Variants in ERGIC1 observed in about 807,000 individuals in gnomAD.
ERGIC1 encodes the protein endoplasmic reticulum-Golgi intermediate compartment protein 1.
Under a neutral mutation model 38.3 loss-of-function variants are expected in ERGIC1, and 19 were observed. The ratio of observed to expected loss-of-function variants is 0.50; its 90% CI spans 0.35 to 0.73. The LOEUF (loss-of-function observed/expected upper bound fraction) is 0.73. Ranked by LOEUF, ERGIC1 falls within the 30% of genes least tolerant of loss-of-function variation. The pLI is 0.01. For missense variants in ERGIC1, 294 were observed against 389.2 expected, an observed-to-expected ratio of 0.76 and a Z score of 2.06; for synonymous variants, 124 against 157.6, an observed-to-expected ratio of 0.79 and a Z score of 1.60.
At chr5:172,905,631 G>T (rs1299811389) in intron 3 of ERGIC1, among the ~76,000 whole-genome samples, 1 of 152,192 alleles carries the variant, frequency 6.6e-6, no homozygotes, top group African/African-American at 2.4e-5. Flanking sequence ...TGGGAGCCTC[G>T]CTGAATAAGC....
chr5:172,915,337 C>G (rs575070712), intron 5 of ERGIC1: 132 of 474,720 alleles, frequency 2.8e-4, no homozygotes, highest in South Asian at 2.4e-3. Context: ...TCTGGGGCAG[C>G]GTTCCTGGGC....
chr5:172,888,139 A>G (rs1281020699), intron 1 of ERGIC1, among the ~76,000 whole-genome samples: 1 of 152,184 alleles, frequency 6.6e-6, no homozygotes, highest in Non-Finnish European at 1.5e-5. Flanking sequence ...CTGCTCTCGC[A>G]GAAGTTACAC....
At chr5:172,949,649 G>C (rs1328160333) in intron 9 of ERGIC1, among the ~76,000 whole-genome samples, 1 of 109,370 alleles carries the variant, frequency 9.1e-6, no homozygotes, top group Non-Finnish European at 2.0e-5. Flanking sequence ...GGTTGTCACA[G>C]CGTGGCGGGG....
chr5:172,874,153 A>G (rs1762087011), intron 1 of ERGIC1, among the ~76,000 whole-genome samples: 1 of 151,786 alleles, frequency 6.6e-6, no homozygotes, highest in Admixed American at 6.6e-5. Context: ...ATCTTGGCTC[A>G]CTGCAACCTC....
At chr5:172,893,905 A>ATATATATATG (rs1173039695) in intron 2 of ERGIC1, among the ~76,000 whole-genome samples, 6 of 15,534 alleles carry the variant, frequency 3.9e-4, no homozygotes, top group Non-Finnish European at 4.2e-4. Flanking sequence ...ATATATATAT[A>ATATATATATG]TGTGTGTGTG....
intron 1 of ERGIC1, among the ~76,000 whole-genome samples, chr5:172,839,566 A>AACACACACACACATAC (rs1393263228): frequency 8.6e-5 from 13 of 151,936 alleles, no homozygotes; most frequent in African/African-American, 2.7e-4. Flanking sequence ...CCTATCTCAA[A>AACACACACACACATAC]ACACACACAC....
chr5:172,933,422 C>T (rs1342650838), intron 8 of ERGIC1: 1 of 152,098 alleles, frequency 6.6e-6, no homozygotes, highest in Non-Finnish European at 1.5e-5. Context: ...TTATTGAGCC[C>T]ATTTTGTTGA....
chr5:172,908,750 A>G (rs1763121825), intron 3 of ERGIC1, among the ~76,000 whole-genome samples: 1 of 152,178 alleles, frequency 6.6e-6, no homozygotes. Flanking sequence ...GCATAAGACA[A>G]TAAATGTGTG....
chr5:172,841,185 G>A (rs1761150108), intron 1 of ERGIC1, among the ~76,000 whole-genome samples: 1 of 152,136 alleles, frequency 6.6e-6, no homozygotes. Flanking sequence ...TGTATATGTG[G>A]GAAAAGTACA....
chr5:172,898,719 G>C (rs1415513269), intron 3 of ERGIC1: 2 of 152,170 alleles, frequency 1.3e-5, no homozygotes, highest in Non-Finnish European at 2.9e-5. Context: ...GAGTAGACCA[G>C]AGTCAGAGCT....
At chr5:172,835,525 G>A (rs926022471) in intron 1 of ERGIC1, among the ~76,000 whole-genome samples, 1 of 152,192 alleles carries the variant, frequency 6.6e-6, no homozygotes, top group Non-Finnish European at 1.5e-5. Context: ...GGCATTAGTG[G>A]ATGGGGGGTG....
intron 8 of ERGIC1, chr5:172,933,888 T>C (rs1047889771): frequency 2.0e-5 from 3 of 151,668 alleles, no homozygotes; most frequent in African/African-American, 7.3e-5. Flanking sequence ...CATGAGGCAA[T>C]GTTTTCAAAA....
intron 9 of ERGIC1, among the ~76,000 whole-genome samples, chr5:172,947,290 T>TCCTCAG (rs1764144772): frequency 6.6e-6 from 1 of 151,886 alleles, no homozygotes; most frequent in Non-Finnish European, 1.5e-5. Flanking sequence ...GCTCAAATGA[T>TCCTCAG]CCTCAGCCTC....
At chr5:172,887,484 A>G (rs1221408433) in intron 1 of ERGIC1, among the ~76,000 whole-genome samples, 2 of 152,150 alleles carry the variant, frequency 1.3e-5, no homozygotes, top group Non-Finnish European at 2.9e-5. Flanking sequence ...TAATGGTCCC[A>G]TTTTTACAAA....
chr5:172,911,120 C>T (rs1415719154), intron 4 of ERGIC1, among the ~76,000 whole-genome samples: 2 of 152,102 alleles, frequency 1.3e-5, no homozygotes, highest in Non-Finnish European at 2.9e-5. Context: ...TCTCTCCCCA[C>T]CCCCTCTTCC....
intron 5 of ERGIC1, chr5:172,915,722 G>C: frequency 2.2e-6 from 1 of 447,374 alleles, no homozygotes; most frequent in Non-Finnish European, 4.7e-6. Flanking sequence ...GAGGTTAAGT[G>C]TCTTGCCCGA....
At chr5:172,928,274 G>A (rs1763699770) in intron 7 of ERGIC1, among the ~76,000 whole-genome samples, 1 of 152,150 alleles carries the variant, frequency 6.6e-6, no homozygotes, top group Admixed American at 6.5e-5. Context: ...TCTCAGGCTG[G>A]CTCAAGTGGA....
At chr5:172,914,143 G>A (rs994050882) in intron 4 of ERGIC1, among the ~76,000 whole-genome samples, 29 of 150,726 alleles carry the variant, frequency 1.9e-4, no homozygotes, top group African/African-American at 6.6e-4. Context: ...GCTGAGGCAG[G>A]AGAATTGCTT....
At chr5:172,944,225 A>C (rs1256513745) in intron 9 of ERGIC1, among the ~76,000 whole-genome samples, 2 of 152,076 alleles carry the variant, frequency 1.3e-5, no homozygotes, top group Non-Finnish European at 2.9e-5. Flanking sequence ...CTCATCCCCG[A>C]CGGGGAAGAT....
Sources: gnomAD v4.1 joint callset for allele counts (sites outside exome capture counted in the v4.1 genomes callset) on GRCh38, gnomAD v4.1.1 for gene constraint, MANE v1.5 for transcripts, NCBI Gene and HGNC (gene_info 2026-07-23, HGNC 2026-07-21) for gene names.